CRYBG3: variants seen among roughly 807,000 people sequenced by gnomAD.
CRYBG3 encodes the protein very large A-kinase anchor protein.
CRYBG3 carries 127 observed loss-of-function variants against 244.2 expected under a neutral mutation model. That is an observed-to-expected ratio of 0.52 (90% CI 0.45 to 0.60). The LOEUF is 0.60. Among genes scored for constraint, CRYBG3 ranks in the 20% least tolerant of loss-of-function variants. CRYBG3 has a pLI of 0.00. For missense variants in CRYBG3, 3,325 were observed against 3,442.5 expected, an observed-to-expected ratio of 0.97 and a Z score of 0.85; for synonymous variants, 1,132 against 1,195.8, an observed-to-expected ratio of 0.95 and a Z score of 1.10.
chr3:97,892,370 G>A (rs936333042), intron 10 of CRYBG3, among the ~76,000 whole-genome samples: 2 of 152,012 alleles, frequency 1.3e-5, no homozygotes, highest in South Asian at 2.1e-4. Context: ...TCAAATTGAC[G>A]CGGATGGTCT....
At chr3:97,843,320 TC>T in intron 2 of CRYBG3, 59 bp downstream of exon 2, 1 of 810,502 alleles carries the variant, frequency 1.2e-6, no homozygotes. Flanking sequence ...TGCTGTTAAT[TC>T]TTTTAGATTC....
At position 97,877,286 on chromosome 3, in the gene CRYBG3, C is replaced by A. The variant is rs775601042; in HGVS notation, c.6092C>A (p.Ala2031Asp). 1 of 1,614,122 alleles carries A rather than the reference C, an allele frequency of 6.2e-7. No individual in the cohort carries two copies. Among genetic ancestry groups the A allele is most frequent in the Non-Finnish European group, 8.5e-7 (1 of 1,180,008 alleles). ...TQSVLFHDTS[A>D]DSMPVLACER... Reference sequence around the variant, plus strand: ...TCTGTCTTGTTTCATGATACGTCCGCTGACAGCATGCCTGTTCTGGCATGT... The same window carrying A: ...TCTGTCTTGTTTCATGATACGTCCGATGACAGCATGCCTGTTCTGGCATGT... Residue 2031 changes from alanine to aspartate, a missense_variant, in exon 4 of 22, where the codon GCT becomes GAT. Physicochemically the swap from Ala to Asp is moderately radical, Grantham distance 126. Coordinates refer to ENST00000389622, the MANE Select transcript of CRYBG3 (RefSeq NM_153605.4).
chr3:97,861,440 C>T (rs1008316712), intron 2 of CRYBG3, among the ~76,000 whole-genome samples: 2 of 152,114 alleles, frequency 1.3e-5, no homozygotes, highest in African/African-American at 4.8e-5. Context: ...TCTTATTAAT[C>T]AGTATACATA....
chr3:97,864,576 A>G lies in CRYBG3; in HGVS notation c.576A>G (p.Ser192=). 5.9e-6 allele frequency: 9 copies of G among 1,535,774 alleles called. No homozygotes were observed. In the East Asian group the frequency reaches 7.3e-5, roughly 13 times the overall value. Residue 192 remains serine, a synonymous_variant, in exon 3 of 22, where the codon TCA becomes TCG. Transcript: ENST00000389622. ...CAACAGAAGAACAAGACTCTAACTC[A>G]TCCGAACTCTCAGATGCTTTTTCTT... ...THPTEEQDSN[S]SELSDAFSLD... is the part of the protein sequence containing the mutation.
chr3:97,847,478 G>C (rs1226432450), intron 2 of CRYBG3, among the ~76,000 whole-genome samples: 1 of 152,150 alleles, frequency 6.6e-6, no homozygotes, highest in Non-Finnish European at 1.5e-5. Flanking sequence ...AGAATTCAGA[G>C]GCAGTTATGT....
At chr3:97,891,482 G>A (rs1193186800) in intron 10 of CRYBG3, among the ~76,000 whole-genome samples, 1 of 151,928 alleles carries the variant, frequency 6.6e-6, no homozygotes, top group Non-Finnish European at 1.5e-5. Context: ...AAAAGTTCAT[G>A]GAAAAAATGG....
chr3:97,926,047 C>T (rs551538229), intron 17 of CRYBG3, among the ~76,000 whole-genome samples: 5 of 151,878 alleles, frequency 3.3e-5, no homozygotes, highest in African/African-American at 9.6e-5. Flanking sequence ...TGACCCTGGG[C>T]GTGTTTCTGA....
intron 16 of CRYBG3, among the ~76,000 whole-genome samples, chr3:97,915,387 G>A (rs1369728822): frequency 1.3e-5 from 2 of 152,098 alleles, no homozygotes; most frequent in African/African-American, 4.8e-5. Context: ...AGGACACCAT[G>A]AAATAGTATA....
intron 4 of CRYBG3, among the ~76,000 whole-genome samples, chr3:97,879,330 T>G (rs1179075212): frequency 6.6e-6 from 1 of 152,204 alleles, no homozygotes; most frequent in Non-Finnish European, 1.5e-5. Context: ...TCAAGGTCCC[T>G]CAATACTACT....
In CRYBG3 at chr3:97,872,888, C is replaced by T. The variant is rs1442970903; in HGVS notation, c.1694C>T (p.Thr565Ile). 1 of 1,530,866 alleles carries T rather than the reference C, an allele frequency of 6.5e-7. No homozygotes were observed. The highest frequency in any genetic ancestry group is 8.7e-7 in the Non-Finnish European group (1 of 1,145,618). The allele number at this position is 1,530,866 out of a possible 1,614,324, so 94.8% of individuals were successfully genotyped here. ...AAAGATACTGACCAATACTTTGAAA[C>T]CAAAGCCAAAAAGCTTGATTTTAGG... is the stretch of plus-strand genomic sequence containing the variant. The part of the protein sequence containing the change: ...LPKDTDQYFE[T>I]KAKKLDFRSH... The change falls in exon 4 of 22, where the codon ACC (threonine) becomes ATC (isoleucine). Residue 565 changes from threonine (T) to isoleucine (I), a missense_variant. By Grantham distance (89) the Thr-to-Ile change is moderately conservative. This residue lies in a region of CRYBG3 where 1,526 missense variants were observed against 1,443.2 expected (regional missense o/e 1.06). Coordinates refer to ENST00000389622, the MANE Select transcript of CRYBG3 (RefSeq NM_153605.4).
intron 2 of CRYBG3, among the ~76,000 whole-genome samples, chr3:97,858,289 T>C (rs2039095063): frequency 1.3e-5 from 2 of 151,998 alleles, no homozygotes; most frequent in South Asian, 2.1e-4. Flanking sequence ...ACTTGACATT[T>C]TTCTCTATTT....
intron 15 of CRYBG3, among the ~76,000 whole-genome samples, chr3:97,904,201 G>C (rs945788918): frequency 6.6e-6 from 1 of 152,112 alleles, no homozygotes; most frequent in African/African-American, 2.4e-5. Flanking sequence ...ACAATCCTCA[G>C]AACATTATTA....
rs550967532 is a variant in CRYBG3, at chr3:97,873,663, T to C, written c.2469T>C (p.Asn823=). The change falls in exon 4 of 22, where the codon AAT becomes AAC. Residue 823 remains asparagine, a synonymous_variant. Coordinates refer to ENST00000389622, the MANE Select transcript of CRYBG3 (RefSeq NM_153605.4). The part of the protein sequence containing the change: ...VSKAEIDGQN[N]VLVESHSGRG... ...AAGCTGAAATTGATGGTCAGAACAA[T>C]GTTCTTGTGGAGTCACATTCTGGAA... 3 of 1,535,648 alleles carry C rather than the reference T, an allele frequency of 2.0e-6. No individual in the cohort carries two copies. In the Admixed American group the frequency reaches 5.9e-5, roughly 30 times the overall value.
chr3:97,853,192 C>CA (rs890008236), intron 2 of CRYBG3, among the ~76,000 whole-genome samples: 10 of 146,180 alleles, frequency 6.8e-5, no homozygotes, highest in African/African-American at 2.5e-4. Flanking sequence ...CCCCAGAGTC[C>CA]ATTTTTATCA....
At position 97,858,215 on chromosome 3, in the gene CRYBG3, T is replaced by G. The variant is rs1390974646; in HGVS notation, c.217-6002T>G. Among the ~76,000 whole-genome samples the G allele has an allele frequency of 2.0e-5, 3 of 151,766 alleles. No homozygotes were observed. In the East Asian group the frequency reaches 5.8e-4, roughly 29 times the overall value. The stretch of plus-strand genomic sequence containing the variant: ...ACTTGAATATATCAGTCTATTCTTT[T>G]CTTGCCAATAAGGTTTCTGCTAAGA... On this transcript the variant is annotated intron_variant, in intron 2 of 21. Coordinates refer to ENST00000389622, the MANE Select transcript of CRYBG3 (RefSeq NM_153605.4).
intron 17 of CRYBG3, among the ~76,000 whole-genome samples, chr3:97,920,855 C>T (rs771630641): frequency 1.3e-5 from 2 of 152,122 alleles, no homozygotes; most frequent in Non-Finnish European, 2.9e-5. Context: ...AGCTTTTCCT[C>T]TTATCTCCTT....
chr3:97,925,948 A>G (rs531574099), intron 17 of CRYBG3, among the ~76,000 whole-genome samples: 2 of 152,174 alleles, frequency 1.3e-5, no homozygotes, highest in Admixed American at 1.3e-4. Flanking sequence ...GAGAAGGATT[A>G]TAGTTTACTG....
chr3:97,844,116 C>T (rs1369799275), intron 2 of CRYBG3, among the ~76,000 whole-genome samples: 4 of 152,120 alleles, frequency 2.6e-5, no homozygotes, highest in Admixed American at 2.6e-4. Flanking sequence ...GTACATTACA[C>T]ATTATAAAGA....
chr3:97,900,558 T>C (rs1468359218), intron 15 of CRYBG3, 73 bp downstream of exon 15: 8 of 960,028 alleles, frequency 8.3e-6, no homozygotes, highest in Non-Finnish European at 1.3e-5. Context: ...CTCAAATCTT[T>C]CTCTTTTCTG....
Sources: allele counts gnomAD v4.1 joint callset (sites outside exome capture counted in the v4.1 genomes callset), GRCh38; gene constraint gnomAD v4.1.1; regional missense constraint gnomAD v4.1.1; transcripts MANE v1.5; gene names NCBI Gene and HGNC (gene_info 2026-07-23, HGNC 2026-07-21).